TRIO: variants seen among roughly 807,000 people sequenced by gnomAD.
TRIO encodes the protein trio Rho guanine nucleotide exchange factor.
Under a neutral mutation model 351.9 loss-of-function variants are expected in TRIO, and 58 were observed. That is an observed-to-expected ratio of 0.16 (90% confidence interval 0.13 to 0.21). TRIO has a LOEUF of 0.21. Among genes scored for constraint, TRIO ranks in the 10% least tolerant of loss-of-function variants. The pLI, the probability that TRIO is intolerant of heterozygous loss-of-function variation, is 1.00. For synonymous variants in TRIO, 1,758 were observed against 1,595.7 expected, an observed-to-expected ratio of 1.10 and a Z score of -2.42; for missense variants, 3,201 against 4,027.8, an observed-to-expected ratio of 0.79 and a Z score of 5.56.
At chr5:14,384,716 A>G (rs1746389269) in intron 21 of TRIO, among the ~76,000 whole-genome samples, 1 of 152,202 alleles carries the variant, frequency 6.6e-6, no homozygotes, top group South Asian at 2.1e-4. Flanking sequence ...CCTCGTATGG[A>G]GAAATTTGTC....
intron 1 of TRIO, among the ~76,000 whole-genome samples, chr5:14,247,152 C>T (rs957151255): frequency 2.6e-5 from 4 of 152,234 alleles, no homozygotes; most frequent in African/African-American, 4.8e-5. Context: ...CAGTGAGCCT[C>T]GTGTGCTTTC....
chr5:14,499,465 A>G (rs1306669530), intron 53 of TRIO, among the ~76,000 whole-genome samples: 1 of 152,244 alleles, frequency 6.6e-6, no homozygotes, highest in Non-Finnish European at 1.5e-5. Flanking sequence ...CCTCCAGAGG[A>G]CAAATAAAAC....
At chr5:14,471,066 T>C (rs1205610895) in intron 37 of TRIO, among the ~76,000 whole-genome samples, 3 of 151,698 alleles carry the variant, frequency 2.0e-5, no homozygotes, top group Non-Finnish European at 4.4e-5. Flanking sequence ...TAACAAGAAA[T>C]AGAATATATT....
intron 21 of TRIO, among the ~76,000 whole-genome samples, chr5:14,385,102 G>A (rs923083117): frequency 6.6e-5 from 10 of 152,236 alleles, no homozygotes; most frequent in East Asian, 1.9e-4. Flanking sequence ...CCCATGCTGC[G>A]TGGACGAGGC....
At chr5:14,275,987 TAC>T (rs1231450358) in intron 2 of TRIO, among the ~76,000 whole-genome samples, 9 of 148,416 alleles carry the variant, frequency 6.1e-5, no homozygotes, top group African/African-American at 4.9e-5. Flanking sequence ...TATATATATA[TAC>T]ACACACACAT....
chr5:14,488,821 T>C lies in TRIO; in HGVS notation c.7632+561T>C, dbSNP rs550392095. 2.5e-4 allele frequency: 165 copies of C among 660,592 alleles called. No homozygotes were observed. In the African/African-American group the frequency reaches 2.8e-3, roughly 11 times the overall value. 40.9% of individuals were successfully genotyped at this position (660,592 alleles called of 1,614,324 possible). On this transcript the variant is annotated intron_variant, in intron 48 of 56. Coordinates refer to ENST00000344204, the MANE Select transcript of TRIO (RefSeq NM_007118.4). ...ATCTGTCCACTGGGAACGCTTTACG[T>C]CACCGTGTTGCTCTGGAAGACAGAG...
At chr5:14,337,088 C>T (rs1741485056) in intron 11 of TRIO, among the ~76,000 whole-genome samples, 1 of 152,166 alleles carries the variant, frequency 6.6e-6, no homozygotes, top group Non-Finnish European at 1.5e-5. Flanking sequence ...ACATGATTGC[C>T]TCTGGATTTT....
At position 14,479,974 on chromosome 5, in the gene TRIO, C is replaced by G; in HGVS notation, c.6299C>G (p.Pro2100Arg). The G allele has an allele frequency of 6.2e-7, 1 of 1,614,152 alleles. No individual in the cohort carries two copies. The highest frequency in any genetic ancestry group is 8.5e-7 in the Non-Finnish European group (1 of 1,180,014). ...RLQLTDLLIKPVQRIMKYQLL... is the reference protein window; with the variant it reads ...RLQLTDLLIKRVQRIMKYQLL... Reference sequence around the variant, plus strand: ...CAGCTCACAGATCTGTTGATCAAACCAGTGCAGAGAATCATGAAGTATCAG... The same window carrying G: ...CAGCTCACAGATCTGTTGATCAAACGAGTGCAGAGAATCATGAAGTATCAG... Residue 2100 changes from proline (P) to arginine (R), a missense_variant, in exon 43 of 57, where the codon CCA (proline) becomes CGA (arginine). Physicochemically the swap from Pro to Arg is moderately radical, Grantham distance 103 (BLOSUM62 -2). Around this residue, in one of 19 missense-constraint regions of TRIO, gnomAD observed 307 missense variants for 396.5 expected, o/e 0.77. Transcript: ENST00000344204.
intron 1 of TRIO, among the ~76,000 whole-genome samples, chr5:14,170,237 G>A (rs1212238411): frequency 6.6e-6 from 1 of 152,098 alleles, no homozygotes; most frequent in Non-Finnish European, 1.5e-5. Context: ...CTTTGTGAGA[G>A]CTTTATAATA....
chr5:14,349,829 C>CTA (rs1163884915), intron 11 of TRIO, among the ~76,000 whole-genome samples: 9 of 152,170 alleles, frequency 5.9e-5, no homozygotes, highest in African/African-American at 1.9e-4. Flanking sequence ...CACCAAGGTA[C>CTA]TAAGCATAGT....
At chr5:14,499,705 C>G (rs1214594806) in intron 53 of TRIO, among the ~76,000 whole-genome samples, 1 of 151,674 alleles carries the variant, frequency 6.6e-6, no homozygotes, top group African/African-American at 2.4e-5. Flanking sequence ...ACAGAAATTA[C>G]ACAGGTGATT....
chr5:14,202,596 A>G (rs1791206666), intron 1 of TRIO, among the ~76,000 whole-genome samples: 1 of 151,372 alleles, frequency 6.6e-6, no homozygotes, highest in Non-Finnish European at 1.5e-5. Context: ...GTGGAAGATA[A>G]TTGAATCTTC....
At chr5:14,257,729 AAT>A (rs1233555305) in intron 1 of TRIO, among the ~76,000 whole-genome samples, 2 of 152,242 alleles carry the variant, frequency 1.3e-5, no homozygotes, top group African/African-American at 4.8e-5. Flanking sequence ...GATTTTTAAA[AAT>A]ATGTCTATTT....
In TRIO at chr5:14,415,470, G is replaced by A. The variant is rs186171036; in HGVS notation, c.4960-4308G>A. On this transcript the variant is annotated intron_variant, in intron 33 of 56. Coordinates refer to ENST00000344204, the MANE Select transcript of TRIO (RefSeq NM_007118.4). ...TGTGTCCAGGGCGGGGGTGTTCTGA[G>A]GAACAAAGGAAGACGTGACAACTCG... is the stretch of plus-strand genomic sequence containing the variant. 1.5e-3 allele frequency among the ~76,000 whole-genome samples: 222 copies of A among 152,262 alleles called. 1 individual carries two copies. The highest frequency in any genetic ancestry group is 5.0e-3 in the African/African-American group (209 of 41,542).
chr5:14,397,846 A>G (rs2152372578), intron 29 of TRIO, among the ~76,000 whole-genome samples: 1 of 152,160 alleles, frequency 6.6e-6, no homozygotes, highest in East Asian at 1.9e-4. Context: ...TCTGATATAA[A>G]ATGCTGATCT....
chr5:14,161,240 C>CT (rs1182678726), intron 1 of TRIO, among the ~76,000 whole-genome samples: 10 of 152,160 alleles, frequency 6.6e-5, no homozygotes, highest in Non-Finnish European at 1.3e-4. Context: ...TCAGTCTGTC[C>CT]TTTGTAGCTG....
chr5:14,392,589 A>G (rs1365677983), intron 27 of TRIO, among the ~76,000 whole-genome samples: 2 of 152,366 alleles, frequency 1.3e-5, no homozygotes, highest in Non-Finnish European at 2.9e-5. Flanking sequence ...TATACACCCA[A>G]AGGATTATAA....
intron 10 of TRIO, 68 bp from the exon 11 acceptor site, chr5:14,336,468 A>G (rs1741429436): frequency 2.6e-6 from 4 of 1,528,954 alleles, no homozygotes; most frequent in Non-Finnish European, 3.6e-6. Flanking sequence ...GCTATATATT[A>G]TGGCGCCCAG....
chr5:14,381,001 T>A (rs904258148), intron 20 of TRIO, 129 bp from the exon 21 acceptor site: 4 of 1,275,804 alleles, frequency 3.1e-6, no homozygotes, highest in Non-Finnish European at 4.2e-6. Flanking sequence ...CTTGCCTCTC[T>A]GGGAGGGAAT....
Sources: allele counts gnomAD v4.1 joint callset (sites outside exome capture counted in the v4.1 genomes callset), GRCh38; gene constraint gnomAD v4.1.1; regional missense constraint gnomAD v4.1.1; transcripts MANE v1.5; gene names NCBI Gene and HGNC (gene_info 2026-07-23, HGNC 2026-07-21).